The following RNF166 variants were observed in gnomAD, a reference collection of about 807,000 sequenced individuals.
RNF166 encodes E3 ubiquitin-protein ligase RNF166.
A neutral mutation model predicts 29.4 loss-of-function variants in RNF166; 19 were observed. The ratio of observed to expected loss-of-function variants is 0.65; its 90% CI spans 0.45 to 0.95. The LOEUF (loss-of-function observed/expected upper bound fraction) is 0.95, where lower values mean the gene tolerates loss of function less well. RNF166 is among the 40% of genes least tolerant of loss of function. The pLI, the probability that RNF166 is intolerant of heterozygous loss-of-function variation, is 0.00. For missense variants in RNF166, 347 were observed against 322.1 expected, an observed-to-expected ratio of 1.08 and a Z score of -0.59; for synonymous variants, 171 against 134.5, an observed-to-expected ratio of 1.27 and a Z score of -1.88.
Position 88,698,748 on chromosome 16 carries a change from C to T in RNF166, c.541-139G>A, listed in dbSNP as rs974547583. 54 of 682,456 alleles carry T rather than the reference C, an allele frequency of 7.9e-5. 1 individual carries two copies. In the South Asian group the frequency reaches 8.2e-4, roughly 10 times the overall value. 42.3% of individuals were successfully genotyped at this position (682,456 alleles called of 1,614,324 possible). A position where few individuals can be genotyped will look rare whatever the true frequency, so the allele number is the denominator to read the frequency against. On this transcript the variant is annotated intron_variant, in intron 4 of 5. Transcript: ENST00000312838. The stretch of plus-strand genomic sequence containing the variant: ...ACCCCAGACCTGGAGGCGCGTGTCC[C>T]GGTGACAAGCGAGTTATTCAGTGCG...
Position 88,696,636 on chromosome 16 carries a change from C to T in RNF166, c.*932G>A, listed in dbSNP as rs1311260724. The T allele has an allele frequency of 1.1e-5, 5 of 450,274 alleles. No individual in the cohort carries two copies. Among genetic ancestry groups the T allele is most frequent in the South Asian group, 1.6e-5 (1 of 63,462 alleles). 27.9% of individuals were successfully genotyped at this position (450,274 alleles called of 1,614,324 possible). On this transcript the variant is annotated 3_prime_UTR_variant, in exon 6 of 6. Coordinates refer to ENST00000312838, the MANE Select transcript of RNF166 (RefSeq NM_178841.4). The stretch of plus-strand genomic sequence containing the variant: ...CTGCCCAGGCCCCCAAGCTCTGCCA[C>T]CACTGGGGTGCCGTCCCCTCCCGCA...
At chr16:88,705,185 G>A (rs1170637717) in intron 1 of RNF166, among the ~76,000 whole-genome samples, 1 of 152,166 alleles carries the variant, frequency 6.6e-6, no homozygotes, top group African/African-American at 2.4e-5. Flanking sequence ...TGCCACCTCC[G>A]TGGGTGACCA....
At position 88,697,242 on chromosome 16, in the gene RNF166, C is replaced by T. The variant is rs1909719883; in HGVS notation, c.*326G>A. The stretch of plus-strand genomic sequence containing the variant: ...AGCGCGACTCGCGCGTCGGTCCCTT[C>T]TTCCCACGAGGGGGTATCATGGCTT... On this transcript the variant is annotated 3_prime_UTR_variant, in exon 6 of 6. Coordinates refer to ENST00000312838, the MANE Select transcript of RNF166 (RefSeq NM_178841.4). The T allele has an allele frequency of 8.6e-6, 2 of 231,478 alleles. No homozygotes were observed. Among genetic ancestry groups the T allele is most frequent in the Admixed American group, 5.5e-5 (1 of 18,302 alleles). 14.3% of individuals were successfully genotyped at this position (231,478 alleles called of 1,614,324 possible). A position where few individuals can be genotyped will look rare whatever the true frequency, so the allele number is the denominator to read the frequency against.
intron 3 of RNF166, among the ~76,000 whole-genome samples, 184 bp from the exon 4 acceptor site, chr16:88,699,269 G>A (rs1238416551): frequency 6.6e-6 from 1 of 152,212 alleles, no homozygotes; most frequent in African/African-American, 2.4e-5. Flanking sequence ...CAGGACCCTC[G>A]TCCACCCCAC....
At position 88,706,342 on chromosome 16, in the gene RNF166, C is replaced by G; in HGVS notation, c.-17G>C. ...CATAGCCATCCCGGGGCCAGGCCCG[C>G]GCCGCCCGCCGCCCGCTGTCCTGGC... On this transcript the variant is annotated 5_prime_UTR_variant, in exon 1 of 6. Transcript: ENST00000312838. The G allele has an allele frequency of 8.3e-7, 1 of 1,211,956 alleles. No homozygotes were observed. Among genetic ancestry groups the G allele is most frequent in the Non-Finnish European group, 1.0e-6 (1 of 975,672 alleles). The allele number at this position is 1,211,956 out of a possible 1,614,324, so 75.1% of individuals were successfully genotyped here.
Position 88,698,508 on chromosome 16 carries a change from G to A in RNF166, c.642C>T (p.Thr214=). 1.3e-6 allele frequency: 2 copies of A among 1,565,526 alleles called. No individual in the cohort carries two copies. Among genetic ancestry groups the A allele is most frequent in the South Asian group, 2.3e-5 (2 of 85,316 alleles). ...LLHRHKFSYD[T]FVDYSIDEEA... The stretch of plus-strand genomic sequence containing the variant: ...GTGCTGGCGGGATGCCTACCACAAA[G>A]GTGTCGTAGGAGAACTTGTGTCGGT... The change falls in exon 5 of 6, where the codon ACC becomes ACT. Residue 214 remains threonine, a synonymous_variant. Coordinates refer to ENST00000312838, the MANE Select transcript of RNF166 (RefSeq NM_178841.4).
Position 88,698,590 on chromosome 16 carries a change from G to A in RNF166, c.560C>T (p.Ala187Val). The A allele has an allele frequency of 6.5e-7, 1 of 1,541,978 alleles. No homozygotes were observed. Among genetic ancestry groups the A allele is most frequent in the Non-Finnish European group, 8.8e-7 (1 of 1,141,314 alleles). ...PNRVVCPICS[A>V]MPWGDPSYKS... Reference sequence around the variant, plus strand: ...GTAGCTGGGGTCCCCCCAGGGCATTGCCGAGCAGATGGGGCACACCTGGAA... The same window carrying A: ...GTAGCTGGGGTCCCCCCAGGGCATTACCGAGCAGATGGGGCACACCTGGAA... Residue 187 changes from alanine to valine, a missense_variant, in exon 5 of 6, where the codon GCA becomes GTA. Transcript: ENST00000312838.
chr16:88,699,884 A>G, intron 2 of RNF166, 152 bp from the exon 3 acceptor site: 1 of 572,766 alleles, frequency 1.7e-6, no homozygotes, highest in South Asian at 2.2e-5. Flanking sequence ...CTGCTGCTAA[A>G]ACAATCTCAG....
chr16:88,701,714 T>G, intron 1 of RNF166: 2 of 345,690 alleles, frequency 5.8e-6, no homozygotes, highest in Non-Finnish European at 1.1e-5. Context: ...GGAGCTCCCA[T>G]AGGCAGGAGG....
At chr16:88,697,675 A>G (rs760504832) in intron 5 of RNF166, 42 bp from the exon 6 acceptor site, 13 of 1,411,630 alleles carry the variant, frequency 9.2e-6, no homozygotes, top group South Asian at 1.2e-5. Flanking sequence ...CGAGGGAGAC[A>G]GGAAGGAGAG....
chr16:88,706,373 C>CAGT lies in RNF166; in HGVS notation c.-49_-48insACT. 1 of 1,217,376 alleles carries CAGT rather than the reference C, an allele frequency of 8.2e-7. No individual in the cohort carries two copies. Among genetic ancestry groups the CAGT allele is most frequent in the Non-Finnish European group, 1.0e-6 (1 of 976,242 alleles). 75.4% of individuals were successfully genotyped at this position (1,217,376 alleles called of 1,614,324 possible). A position where few individuals can be genotyped will look rare whatever the true frequency, so the allele number is the denominator to read the frequency against. On this transcript the variant is annotated 5_prime_UTR_variant, in exon 1 of 6. Transcript: ENST00000312838. ...CCGCCGCCCGCTGTCCTGGCCCGGG[C>CAGT]CGGCCCGCTAGTCACAGCCGCTACT... is the stretch of plus-strand genomic sequence containing the variant.
At chr16:88,705,664 G>A (rs943998739) in intron 1 of RNF166, among the ~76,000 whole-genome samples, 1 of 152,218 alleles carries the variant, frequency 6.6e-6, no homozygotes, top group Admixed American at 6.5e-5. Flanking sequence ...ACAAAACTAA[G>A]AACATCAGAC....
intron 1 of RNF166, chr16:88,703,535 G>A (rs534831381): frequency 1.7e-4 from 167 of 985,358 alleles, no homozygotes; most frequent in South Asian, 5.2e-4. Context: ...GAGGCAGAAC[G>A]AGGCACCCAC....
intron 5 of RNF166, chr16:88,697,834 C>T: frequency 1.8e-6 from 1 of 560,170 alleles, no homozygotes; most frequent in Non-Finnish European, 3.2e-6. Context: ...TGTCCATCAC[C>T]CGCTGGGTAC....
chr16:88,700,775 G>A (rs1247964977), intron 2 of RNF166: 2 of 1,001,628 alleles, frequency 2.0e-6, no homozygotes, highest in Non-Finnish European at 2.4e-6. Flanking sequence ...ACAAGCTGCA[G>A]GCCCTTACGC....
At chr16:88,699,335 G>A (rs571121059) in intron 3 of RNF166, among the ~76,000 whole-genome samples, 4 of 152,362 alleles carry the variant, frequency 2.6e-5, no homozygotes, top group East Asian at 3.9e-4. Context: ...GGCAGGAGCC[G>A]TCTCTCGGCC....
rs547143541 is a variant in RNF166 at position 88,700,174 on chromosome 16, C to T, written c.313-442G>A. 4 of 154,884 alleles carry T rather than the reference C, an allele frequency of 2.6e-5. No homozygotes were observed. In the South Asian group the frequency reaches 6.9e-4, roughly 27 times the overall value. 9.6% of individuals were successfully genotyped at this position (154,884 alleles called of 1,614,324 possible). On this transcript the variant is annotated intron_variant, in intron 2 of 5. Transcript: ENST00000312838. Reference sequence around the variant, plus strand: ...CCTCCACCCACAGCACACCCACTGTCCAGGGCAACAGGCTGCAAGATCGCA... The same window carrying T: ...CCTCCACCCACAGCACACCCACTGTTCAGGGCAACAGGCTGCAAGATCGCA...
intron 1 of RNF166, chr16:88,704,116 C>T (rs1200967249): frequency 2.0e-6 from 2 of 985,348 alleles, no homozygotes; most frequent in Non-Finnish European, 2.4e-6. Context: ...GAGATCTACC[C>T]TGGAGGAGGA....
intron 3 of RNF166, 74 bp from the exon 4 acceptor site, chr16:88,699,159 C>T: frequency 9.3e-7 from 1 of 1,079,348 alleles, no homozygotes; most frequent in Non-Finnish European, 1.4e-6. Flanking sequence ...CTCTCAAACA[C>T]AGGCGTGGCC....
Sources: gnomAD v4.1 joint callset for allele counts (sites outside exome capture counted in the v4.1 genomes callset) on GRCh38, gnomAD v4.1.1 for gene constraint, MANE v1.5 for transcripts, NCBI Gene and HGNC (gene_info 2026-07-23, HGNC 2026-07-21) for gene names.